MYL6B: variants seen among roughly 807,000 people sequenced by gnomAD.
MYL6B encodes myosin light chain 6B.
MYL6B carries 19 observed loss-of-function variants against 24.5 expected under a neutral mutation model. The ratio of observed to expected loss-of-function variants is 0.78; its 90% CI spans 0.54 to 1.14. The LOEUF (loss-of-function observed/expected upper bound fraction) is 1.14. MYL6B is among the 50% of genes most tolerant of loss of function. The pLI, the probability that MYL6B is intolerant of heterozygous loss-of-function variation, is 0.00. For synonymous variants in MYL6B, 90 were observed against 100.7 expected (o/e 0.89, Z 0.64); for missense variants, 230 against 263.8 (o/e 0.87, Z 0.89).
At chr12:56,155,783 T>G (rs2136905348) in intron 5 of MYL6B, 191 bp downstream of exon 5, 1 of 1,511,820 alleles carries the variant, frequency 6.6e-7, no homozygotes, top group Admixed American at 2.1e-5. Context: ...TAAAGTGCCA[T>G]CCGGAGGGCA....
rs779126379 is a variant in MYL6B at position 56,155,056 on chromosome 12, G to A, written c.204G>A (p.Glu68=). Residue 68 remains glutamate, a splice_region_variant and synonymous_variant, in exon 4 of 7, where the codon GAG becomes GAA. Transcript: ENST00000553066. Reference sequence around the variant, plus strand: ...CACTGACCCTTCCTTATACTTTAGAGTTCAAGGAGGCCTTCGAGCTGTTTG... The same window carrying A: ...CACTGACCCTTCCTTATACTTTAGAATTCAAGGAGGCCTTCGAGCTGTTTG... The A allele has an allele frequency of 3.7e-6, 6 of 1,610,104 alleles. No homozygotes were observed. The African/African-American group carries it at 4.0e-5, about 11-fold the overall frequency.
intron 1 of MYL6B, chr12:56,153,568 C>T: frequency 1.3e-6 from 1 of 749,308 alleles, no homozygotes; most frequent in Non-Finnish European, 1.6e-6. Flanking sequence ...TTTGCCTCAC[C>T]ACCCCCATCT....
exon 2 of MYL6B, chr12:56,153,919 A>G: frequency 6.2e-7 from 1 of 1,609,930 alleles, no homozygotes; most frequent in Non-Finnish European, 8.5e-7. Context: ...ACCGGACATC[A>G]TGCCTCCCAA....
chr12:56,157,276 C>T, intron 5 of MYL6B, 192 bp from the exon 6 acceptor site: 2 of 562,856 alleles, frequency 3.6e-6, no homozygotes, highest in Non-Finnish European at 6.4e-6. Context: ...CCCAGCTACT[C>T]GGGAGGGTGA....
chr12:56,156,006 C>A, intron 5 of MYL6B: 1 of 1,149,052 alleles, frequency 8.7e-7, no homozygotes, highest in Non-Finnish European at 1.1e-6. Flanking sequence ...AGAGGTACCA[C>A]TCTAAAGAGC....
chr12:56,153,500 C>T (rs1871186731), intron 1 of MYL6B: 1 of 987,214 alleles, frequency 1.0e-6, no homozygotes, highest in Admixed American at 6.1e-5. Context: ...CACAAGCCTC[C>T]CTGGCTGCTA....
chr12:56,155,116 G>A, exon 4 of MYL6B: 1 of 1,614,112 alleles, frequency 6.2e-7, no homozygotes. Context: ...TGTACAGCCA[G>A]TGTGGGGACG....
intron 2 of MYL6B, 132 bp downstream of exon 2, chr12:56,154,224 TC>T (rs1228869216): frequency 3.2e-6 from 3 of 924,050 alleles, no homozygotes; most frequent in Non-Finnish European, 4.8e-6. Context: ...TTTCCCTTAG[TC>T]CCCCATTTGG....
chr12:56,154,993 T>G (rs1388681620), intron 3 of MYL6B, 62 bp from the exon 4 acceptor site: 10 of 1,562,616 alleles, frequency 6.4e-6, no homozygotes, highest in South Asian at 1.2e-5. Context: ...TGAAATTCCC[T>G]TCTGTCTGGG....
Position 56,157,611 on chromosome 12 carries a change from G to A in MYL6B, c.598+66G>A, listed in dbSNP as rs1312285658. The A allele has an allele frequency of 3.7e-6, 6 of 1,613,030 alleles. No individual in the cohort carries two copies. The East Asian group carries it at 1.1e-4, about 30-fold the overall frequency. ...GGCAGCCTGGCGTCTTGCCGCGTGT[G>A]GGCGGGGGCACCCCTGGATTACCTA... On this transcript the variant is annotated intron_variant, in intron 6 of 6. Transcript: ENST00000553066.
At position 56,155,158 on chromosome 12, in the gene MYL6B, C is replaced by CG; in HGVS notation, c.307dup (p.Ala103GlyfsTer13). 1 of 1,613,740 alleles carries CG rather than the reference C, an allele frequency of 6.2e-7. No homozygotes were observed. The highest frequency in any genetic ancestry group is 1.3e-5 in the African/African-American group (1 of 75,000). On this transcript the variant is annotated frameshift_variant, in exon 4 of 7. Transcript: ENST00000553066. LOFTEE classifies it high-confidence loss of function. The stretch of plus-strand genomic sequence containing the variant: ...GGGCCCTGGGCCAGAACCCCACCAA[C>CG]GCCGAGGTGCTCAAGGTCCTGGGGA...
chr12:56,155,873 G>A (rs933131135), intron 5 of MYL6B: 37 of 1,311,892 alleles, frequency 2.8e-5, no homozygotes, highest in African/African-American at 4.5e-5. Context: ...TACAAGTCTC[G>A]TAACCTCCTG....
At chr12:56,157,539 T>C in exon 6 of MYL6B, 2 of 1,607,090 alleles carry the variant, frequency 1.2e-6, no homozygotes, top group South Asian at 1.1e-5. Context: ...CTGCATCAAC[T>C]ACGAGGGTGA....
At chr12:56,153,150 CGT>C (rs1871171713) in intron 1 of MYL6B, among the ~76,000 whole-genome samples, 3 of 152,080 alleles carry the variant, frequency 2.0e-5, no homozygotes, top group Non-Finnish European at 4.4e-5. Flanking sequence ...CTTGAATGAC[CGT>C]GGGCTTGTGG....
rs768118150 is a variant in MYL6B, at chr12:56,155,534, CAAGG to C, written c.464_467del (p.Lys155ArgfsTer22). On this transcript the variant is annotated frameshift_variant, in exon 5 of 7. Transcript: ENST00000553066. LOFTEE classifies it high-confidence loss of function. ...ACTTGGAGGGGTTTCGTGTGTTTGA[CAAGG>C]AGGGGAACGGCAAAGTCATGGGAGC... 6 of 1,613,634 alleles carry C rather than the reference CAAGG, an allele frequency of 3.7e-6. No homozygotes were observed. In the South Asian group the frequency reaches 6.6e-5, roughly 18 times the overall value.
At chr12:56,154,784 C>G (rs371265291) in intron 2 of MYL6B, 29 bp from the exon 3 acceptor site, 18 of 1,607,028 alleles carry the variant, frequency 1.1e-5, no homozygotes, top group Middle Eastern at 3.3e-4. Context: ...AAACTCTCAT[C>G]TCTCCCCACC....
At chr12:56,155,430 C>T (rs149424698) in exon 5 of MYL6B, 27 of 1,614,032 alleles carry the variant, frequency 1.7e-5, no homozygotes, top group South Asian at 2.2e-5. Context: ...GCTGAAGTCG[C>T]GGCGTGTGGA....
chr12:56,156,835 G>A (rs1157819443), intron 5 of MYL6B: 1 of 151,890 alleles, frequency 6.6e-6, no homozygotes, highest in Non-Finnish European at 1.5e-5. Context: ...CAGATCATTT[G>A]AGCTCAGGAG....
At chr12:56,155,956 A>AGG in intron 5 of MYL6B, 1 of 1,189,690 alleles carries the variant, frequency 8.4e-7, no homozygotes, top group Non-Finnish European at 1.1e-6. Context: ...ATCCATGACC[A>AGG]GGGGAGGATT....
Sources: allele counts gnomAD v4.1 joint callset (sites outside exome capture counted in the v4.1 genomes callset), GRCh38; gene constraint gnomAD v4.1.1; transcripts MANE v1.5; gene names NCBI Gene and HGNC (gene_info 2026-07-23, HGNC 2026-07-21).